RPS6KB1: variants seen among roughly 807,000 people sequenced by gnomAD.
RPS6KB1 encodes ribosomal protein S6 kinase beta-1.
A neutral mutation model predicts 70.2 loss-of-function variants in RPS6KB1; 12 were observed. The ratio of observed to expected loss-of-function variants is 0.17; its 90% CI spans 0.11 to 0.28. The LOEUF is 0.28. RPS6KB1 is among the 10% of genes least tolerant of loss of function. RPS6KB1 has a pLI of 1.00. For missense variants in RPS6KB1, 270 were observed against 646.6 expected, an observed-to-expected ratio of 0.42 and a Z score of 6.32; for synonymous variants, 175 against 211.2, an observed-to-expected ratio of 0.83 and a Z score of 1.49.
At chr17:59,910,972 A>G (rs2042597084) in intron 2 of RPS6KB1, among the ~76,000 whole-genome samples, 1 of 149,866 alleles carries the variant, frequency 6.7e-6, no homozygotes, top group Non-Finnish European at 1.5e-5. Flanking sequence ...AAATTCATAC[A>G]GTCATTCAAA....
intron 1 of RPS6KB1, among the ~76,000 whole-genome samples, chr17:59,899,897 G>A (rs780249115): frequency 6.6e-6 from 1 of 152,006 alleles, no homozygotes; most frequent in Non-Finnish European, 1.5e-5. Context: ...GGGTATGATA[G>A]CTCGTGCCTG....
chr17:59,947,339 C>T lies in RPS6KB1; in HGVS notation c.*551C>T. The T allele has an allele frequency of 8.9e-7, 1 of 1,117,818 alleles. No individual in the cohort carries two copies. Among genetic ancestry groups the T allele is most frequent in the African/African-American group, 1.6e-5 (1 of 61,606 alleles). The allele number at this position is 1,117,818 out of a possible 1,614,324, so 69.2% of individuals were successfully genotyped here. A position where few individuals can be genotyped will look rare whatever the true frequency, so the allele number is the denominator to read the frequency against. On this transcript the variant is annotated 3_prime_UTR_variant, in exon 15 of 15. Coordinates refer to ENST00000225577, the MANE Select transcript of RPS6KB1 (RefSeq NM_003161.4). ...ATATTTTTCAAATAGATTTTTGATT[C>T]AGCTCATTATGAAAAACATCCCAAA...
At chr17:59,927,687 A>T (rs1279302775) in intron 5 of RPS6KB1, among the ~76,000 whole-genome samples, 1 of 150,392 alleles carries the variant, frequency 6.6e-6, no homozygotes, top group African/African-American at 2.4e-5. Context: ...TTGTATTTTT[A>T]GTAGAGCTGG....
chr17:59,924,105 G>A lies in RPS6KB1; in HGVS notation c.382-2330G>A, dbSNP rs138822827. ...TCCCAGCACTTTGGGAGGCCAAGGC[G>A]GGCGGATCATGAGCTCAGTTCGAAA... On this transcript the variant is annotated intron_variant, in intron 4 of 14. Transcript: ENST00000225577. Among the ~76,000 whole-genome samples, 58 of 152,192 alleles carry A rather than the reference G, an allele frequency of 3.8e-4. 1 individual carries two copies. In the East Asian group the frequency reaches 8.9e-3, roughly 23 times the overall value.
chr17:59,914,958 G>C (rs1335200830), intron 4 of RPS6KB1, among the ~76,000 whole-genome samples: 1 of 151,736 alleles, frequency 6.6e-6, no homozygotes, highest in Non-Finnish European at 1.5e-5. Flanking sequence ...GTAAGACCCA[G>C]TCTCTTACAG....
chr17:59,919,339 G>C lies in RPS6KB1; in HGVS notation c.381+4636G>C, dbSNP rs1568441139. Among the ~76,000 whole-genome samples, 5 of 152,262 alleles carry C rather than the reference G, an allele frequency of 3.3e-5. No individual in the cohort carries two copies. The South Asian group carries it at 1.0e-3, about 32-fold the overall frequency. ...CAGGAGTTCAAAACCAGCCTGGCCAGCTGGTTTGGGGGCGCTGAGGCAGGA... is the reference window on the plus strand; with the variant it reads ...CAGGAGTTCAAAACCAGCCTGGCCACCTGGTTTGGGGGCGCTGAGGCAGGA... On this transcript the variant is annotated intron_variant, in intron 4 of 14. Transcript: ENST00000225577.
chr17:59,921,611 C>A (rs943360392), intron 4 of RPS6KB1, among the ~76,000 whole-genome samples: 2 of 152,140 alleles, frequency 1.3e-5, no homozygotes, highest in African/African-American at 4.8e-5. Flanking sequence ...TCTGGACATT[C>A]TGTCTGGATT....
chr17:59,944,075 C>A (rs181753715), intron 13 of RPS6KB1, among the ~76,000 whole-genome samples: 2 of 152,082 alleles, frequency 1.3e-5, no homozygotes, highest in Non-Finnish European at 2.9e-5. Flanking sequence ...ACAGCCTGTA[C>A]CTCTTGGTAG....
At chr17:59,901,616 CCTGTCT>C (rs1214955227) in intron 1 of RPS6KB1, among the ~76,000 whole-genome samples, 2 of 138,996 alleles carry the variant, frequency 1.4e-5, no homozygotes, top group Non-Finnish European at 3.1e-5. Flanking sequence ...ATAACAGCAC[CCTGTCT>C]CTGAAAAAAA....
chr17:59,932,872 G>T (rs1272472652), intron 7 of RPS6KB1, among the ~76,000 whole-genome samples: 1 of 152,068 alleles, frequency 6.6e-6, no homozygotes, highest in African/African-American at 2.4e-5. Context: ...GTTTATTCTT[G>T]CTGTTTGTTT....
rs2041330817 is a variant in RPS6KB1, at chr17:59,893,967, CTT to C, written c.141+646_141+647del. On this transcript the variant is annotated intron_variant, in intron 1 of 14. Transcript: ENST00000225577. The surrounding 1 kb of genome is among the most constrained non-coding windows in gnomAD (Gnocchi z 4.1). ...TTTTTTTTTACCCCCTTCCGTGTGA[CTT>C]TTTAAAATAAGCATTTATAAGGACA... 1.0e-6 allele frequency: 1 copy of C among 979,660 alleles called. No individual in the cohort carries two copies. The highest frequency in any genetic ancestry group is 6.2e-5 in the Admixed American group (1 of 16,056). 60.7% of individuals were successfully genotyped at this position (979,660 alleles called of 1,614,324 possible).
At position 59,936,523 on chromosome 17, in the gene RPS6KB1, C is replaced by T. The variant is rs2044254305; in HGVS notation, c.1101C>T (p.Pro367=). The change falls in exon 12 of 15, where the codon CCC becomes CCT. Residue 367 remains proline (P), a synonymous_variant. Transcript: ENST00000225577. ...WEELLARKVE[P]PFKPLLQSEE... Reference sequence around the variant, plus strand: ...AACTTCTGGCTCGAAAGGTGGAGCCCCCCTTTAAACCTCTGTTGGTAAGTA... The same window carrying T: ...AACTTCTGGCTCGAAAGGTGGAGCCTCCCTTTAAACCTCTGTTGGTAAGTA... 1.2e-6 allele frequency: 2 copies of T among 1,613,122 alleles called. No individual in the cohort carries two copies. The highest frequency in any genetic ancestry group is 2.2e-5 in the East Asian group (1 of 44,876).
chr17:59,901,626 AAAAAAAAAAAAAAAAAAAAAG>A lies in RPS6KB1; in HGVS notation c.141+8311_141+8331del, dbSNP rs1054518765. Among the ~76,000 whole-genome samples, 269 of 31,280 alleles carry A rather than the reference AAAAAAAAAAAAAAAAAAAAAG, an allele frequency of 8.6e-3. No homozygotes were observed. The African/African-American group carries it at 0.11, about 13-fold the overall frequency. The allele number at this position is 31,280 out of a possible 152,430, so 20.5% of individuals were successfully genotyped here. On this transcript the variant is annotated intron_variant, in intron 1 of 14. Coordinates refer to ENST00000225577, the MANE Select transcript of RPS6KB1 (RefSeq NM_003161.4). The stretch of plus-strand genomic sequence containing the variant: ...GCAGCATAACAGCACCCTGTCTCTG[AAAAAAAAAAAAAAAAAAAAAG>A]AAAAAAAAAGAAACAGAGTTTTGGC...
intron 1 of RPS6KB1, among the ~76,000 whole-genome samples, chr17:59,894,981 T>TTTTTCTTTTCTTTTC (rs60799718): frequency 1.7e-4 from 26 of 151,000 alleles, no homozygotes; most frequent in African/African-American, 5.1e-4. Flanking sequence ...AGTTGTGTGC[T>TTTTTCTTTTCTTTTC]TTTTCTTTTC....
intron 14 of RPS6KB1, among the ~76,000 whole-genome samples, chr17:59,945,852 C>T (rs1261966869): frequency 2.6e-5 from 4 of 152,136 alleles, no homozygotes; most frequent in Admixed American, 2.0e-4. Context: ...GGAATTGTCC[C>T]TGTCCTGATG....
At position 59,947,103 on chromosome 17, in the gene RPS6KB1, T is replaced by C. The variant is rs1421237404; in HGVS notation, c.*315T>C. 8.5e-7 allele frequency: 1 copy of C among 1,172,978 alleles called. No individual in the cohort carries two copies. Among genetic ancestry groups the C allele is most frequent in the Non-Finnish European group, 1.1e-6 (1 of 943,440 alleles). 72.7% of individuals were successfully genotyped at this position (1,172,978 alleles called of 1,614,324 possible). ...ACAGTATTAAGGGTAGGATGTTGCT[T>C]CTGAATCACTGTTGAGTTCTGATTG... On this transcript the variant is annotated 3_prime_UTR_variant, in exon 15 of 15. Coordinates refer to ENST00000225577, the MANE Select transcript of RPS6KB1 (RefSeq NM_003161.4).
intron 1 of RPS6KB1, among the ~76,000 whole-genome samples, chr17:59,898,980 A>G (rs2041737709): frequency 6.6e-6 from 1 of 151,564 alleles, no homozygotes; most frequent in African/African-American, 2.4e-5. Context: ...AGGTGGGCAG[A>G]TCACCTGAGG....
intron 1 of RPS6KB1, among the ~76,000 whole-genome samples, chr17:59,899,983 A>C (rs2041810962): frequency 6.6e-6 from 1 of 151,994 alleles, no homozygotes; most frequent in African/African-American, 2.4e-5. Context: ...TGGCCAACAA[A>C]ACAAGACCCT....
At position 59,946,949 on chromosome 17, in the gene RPS6KB1, C is replaced by A; in HGVS notation, c.*161C>A. ...AAAATAAACGTGGATTTTAAAAAAT[C>A]AATCAATGGTGCAAAAAAAAACTTA... On this transcript the variant is annotated 3_prime_UTR_variant, in exon 15 of 15. Transcript: ENST00000225577. This position sits in a 1 kb window ranked among gnomAD's most constrained non-coding sequence, Gnocchi z 4.2. 6.8e-7 allele frequency: 1 copy of A among 1,459,920 alleles called. No homozygotes were observed. The highest frequency in any genetic ancestry group is 9.0e-7 in the Non-Finnish European group (1 of 1,109,380). The allele number at this position is 1,459,920 out of a possible 1,614,324, so 90.4% of individuals were successfully genotyped here.
Sources: gnomAD v4.1 joint callset for allele counts (sites outside exome capture counted in the v4.1 genomes callset) on GRCh38, gnomAD v4.1.1 for gene constraint, Gnocchi (gnomAD v3.1) non-coding constraint, MANE v1.5 for transcripts, NCBI Gene and HGNC (gene_info 2026-07-23, HGNC 2026-07-21) for gene names.